Variants in FGF14 observed in about 807,000 individuals in gnomAD.
FGF14 encodes the protein fibroblast growth factor homologous factor 4.
Under a neutral mutation model 25.5 loss-of-function variants are expected in FGF14, and 5 were observed. The ratio of observed to expected loss-of-function variants is 0.20; its 90% CI spans 0.10 to 0.41. FGF14 has a LOEUF of 0.41. Among genes scored for constraint, FGF14 ranks in the 10% least tolerant of loss-of-function variants. The probability of loss-of-function intolerance (pLI) is 1.00; values close to 1 mark genes in which losing one functional copy is unlikely to be tolerated. For missense variants in FGF14, 222 were observed against 320.1 expected (o/e 0.69, Z 2.34); for synonymous variants, 138 against 118.3 (o/e 1.17, Z -1.08).
intron 1 of FGF14, among the ~76,000 whole-genome samples, chr13:102,148,068 T>C (rs1164184787): frequency 6.6e-6 from 1 of 152,188 alleles, no homozygotes; most frequent in Admixed American, 6.5e-5. Flanking sequence ...TTGCCAAGCA[T>C]AGAGCCTCCA....
At chr13:102,012,109 A>C (rs2040112310) in intron 1 of FGF14, among the ~76,000 whole-genome samples, 1 of 152,088 alleles carries the variant, frequency 6.6e-6, no homozygotes, top group Non-Finnish European at 1.5e-5. Flanking sequence ...TGTCACATTC[A>C]GTTTTGAACA....
intron 1 of FGF14, among the ~76,000 whole-genome samples, chr13:101,928,445 A>G (rs995590626): frequency 6.6e-5 from 10 of 151,798 alleles, no homozygotes; most frequent in Non-Finnish European, 1.3e-4. Flanking sequence ...ACTTCAATCA[A>G]CAGGGAAAGT....
chr13:102,020,448 T>TGAGGCAGGAGAATCGCTTAAATCTGG (rs2040578458), intron 1 of FGF14, among the ~76,000 whole-genome samples: 1 of 152,016 alleles, frequency 6.6e-6, no homozygotes, highest in Non-Finnish European at 1.5e-5. Flanking sequence ...CTTGGGAGCC[T>TGAGGCAGGAGAATCGCTTAAATCTGG]GAGGCAGGAG....
At chr13:102,166,544 A>C (rs1040902874) in intron 1 of FGF14, among the ~76,000 whole-genome samples, 6 of 152,180 alleles carry the variant, frequency 3.9e-5, no homozygotes, top group Middle Eastern at 3.4e-3. Context: ...ATTTAGTGCC[A>C]TATTTTTTGA....
At chr13:102,254,457 CCT>C (rs1385111779) in intron 1 of FGF14, among the ~76,000 whole-genome samples, 1 of 152,084 alleles carries the variant, frequency 6.6e-6, no homozygotes, top group East Asian at 1.9e-4. Context: ...AGTCCAGGAG[CCT>C]CTTTGTCACT....
intron 1 of FGF14, among the ~76,000 whole-genome samples, chr13:101,930,677 T>C (rs527485130): frequency 2.0e-5 from 3 of 152,318 alleles, no homozygotes; most frequent in South Asian, 2.1e-4. Flanking sequence ...TTGCATATCA[T>C]TGTAGATTCA....
chr13:101,950,643 G>A (rs978677407), intron 1 of FGF14, among the ~76,000 whole-genome samples: 8 of 151,862 alleles, frequency 5.3e-5, no homozygotes, highest in African/African-American at 9.7e-5. Flanking sequence ...ATGCCTTTTC[G>A]TTCAAAGGGA....
At chr13:102,379,625 G>C (rs941467929) in intron 1 of FGF14, among the ~76,000 whole-genome samples, 1 of 151,932 alleles carries the variant, frequency 6.6e-6, no homozygotes, top group Admixed American at 6.6e-5. Flanking sequence ...AATGTAACAC[G>C]TGCATATAGA....
At position 101,713,534 on chromosome 13, in the gene FGF14, T is replaced by C. The variant is rs971297208; in HGVS notation, c.*9297A>G. On this transcript the variant is annotated 3_prime_UTR_variant, in exon 5 of 5. Transcript: ENST00000376143. ...AACAGAAGGAAAAGAAAGTCCTTTT[T>C]ATTTGTTTCTTTTTCATTGTAAAGT... The C allele has an allele frequency of 3.7e-4, 56 of 152,212 alleles. No homozygotes were observed. Among genetic ancestry groups the C allele is most frequent in the African/African-American group, 1.4e-3 (56 of 41,448 alleles). The allele number at this position is 152,212 out of a possible 1,614,324, so 9.4% of individuals were successfully genotyped here. A position where few individuals can be genotyped will look rare whatever the true frequency, so the allele number is the denominator to read the frequency against.
At chr13:101,877,749 G>T (rs1427105223) in intron 1 of FGF14, among the ~76,000 whole-genome samples, 1 of 152,116 alleles carries the variant, frequency 6.6e-6, no homozygotes, top group East Asian at 1.9e-4. Context: ...TAACGCAAAG[G>T]TTAGAAAGGA....
chr13:102,288,957 T>C (rs975841345), intron 1 of FGF14, among the ~76,000 whole-genome samples: 1 of 150,610 alleles, frequency 6.6e-6, no homozygotes, highest in African/African-American at 2.4e-5. Context: ...TCAGGTTTCT[T>C]TTTTTTTTTC....
intron 1 of FGF14, among the ~76,000 whole-genome samples, chr13:101,988,808 TA>T (rs1263152530): frequency 6.6e-6 from 1 of 152,098 alleles, no homozygotes; most frequent in Non-Finnish European, 1.5e-5. Context: ...TATACATATG[TA>T]ACAAACCTGT....
intron 1 of FGF14, among the ~76,000 whole-genome samples, chr13:102,183,901 G>A (rs1252299668): frequency 6.6e-6 from 1 of 152,196 alleles, no homozygotes; most frequent in African/African-American, 2.4e-5. Flanking sequence ...CAGTGTTGCT[G>A]TGAGGACTGA....
intron 1 of FGF14, among the ~76,000 whole-genome samples, chr13:101,970,509 G>T (rs1173685808): frequency 6.6e-6 from 1 of 152,160 alleles, no homozygotes; most frequent in African/African-American, 2.4e-5. Context: ...GACATGCTGA[G>T]TACTTCCAAC....
At chr13:102,024,778 AG>A (rs2139890729) in intron 1 of FGF14, among the ~76,000 whole-genome samples, 1 of 151,916 alleles carries the variant, frequency 6.6e-6, no homozygotes, top group South Asian at 2.1e-4. Context: ...TGTGAGGTAA[AG>A]GTGTAACTTC....
intron 1 of FGF14, among the ~76,000 whole-genome samples, chr13:102,003,731 A>G (rs1331797240): frequency 6.6e-6 from 1 of 151,856 alleles, no homozygotes; most frequent in Non-Finnish European, 1.5e-5. Flanking sequence ...AATGCTAAGA[A>G]ATACCTGAAG....
intron 1 of FGF14, among the ~76,000 whole-genome samples, chr13:101,903,381 T>C (rs1235615084): frequency 2.0e-5 from 3 of 152,180 alleles, no homozygotes; most frequent in African/African-American, 7.2e-5. Context: ...TGCTGTTATG[T>C]ACACAAGCTG....
At chr13:101,899,539 T>G (rs1403250727) in intron 1 of FGF14, among the ~76,000 whole-genome samples, 2 of 151,858 alleles carry the variant, frequency 1.3e-5, no homozygotes, top group African/African-American at 4.8e-5. Context: ...ATGTTTTAAT[T>G]GAAAATAGCC....
At chr13:102,097,757 C>T (rs1316648817) in intron 1 of FGF14, among the ~76,000 whole-genome samples, 1 of 152,172 alleles carries the variant, frequency 6.6e-6, no homozygotes, top group Non-Finnish European at 1.5e-5. Flanking sequence ...TTTCCCAGAG[C>T]ACATCTGTCA....
Sources: gnomAD v4.1 joint callset for allele counts (sites outside exome capture counted in the v4.1 genomes callset) on GRCh38, gnomAD v4.1.1 for gene constraint, MANE v1.5 for transcripts, NCBI Gene and HGNC (gene_info 2026-07-23, HGNC 2026-07-21) for gene names.